Variants in CYP26C1 observed in about 807,000 individuals in gnomAD.
The protein encoded by CYP26C1 is cytochrome P450 family 26 subfamily C member 1.
CYP26C1 carries 41 observed loss-of-function variants against 39.1 expected under a neutral mutation model. That is an observed-to-expected ratio of 1.05 (90% CI 0.82 to 1.36). The LOEUF (loss-of-function observed/expected upper bound fraction) is 1.36. Ranked by LOEUF, CYP26C1 falls within the 40% of genes most tolerant of loss-of-function variation. The pLI, the probability that CYP26C1 is intolerant of heterozygous loss-of-function variation, is 0.00. For synonymous variants in CYP26C1, 362 were observed against 350.8 expected (o/e 1.03, Z -0.36); for missense variants, 833 against 752.0 (o/e 1.11, Z -1.26).
At position 93,061,049 on chromosome 10, in the gene CYP26C1, C is replaced by T. The variant is rs1846739098; in HGVS notation, c.-215C>T. On this transcript the variant is annotated 5_prime_UTR_variant, in exon 1 of 6. Transcript: ENST00000651965. ...CTGAGCGTGCCGGCCTCGAGGAAGG[C>T]ACGTTCCCTAAGGGCGCACGGTCAC... 7 of 544,208 alleles carry T rather than the reference C, an allele frequency of 1.3e-5. No homozygotes were observed. In the East Asian group the frequency reaches 2.4e-4, roughly 18 times the overall value. 33.7% of individuals were successfully genotyped at this position (544,208 alleles called of 1,614,324 possible).
chr10:93,066,320 T>C (rs1421168467), intron 5 of CYP26C1, 35 bp downstream of exon 5: 5 of 1,248,712 alleles, frequency 4.0e-6, no homozygotes, highest in Non-Finnish European at 5.0e-6. Flanking sequence ...GCCAGCCTCC[T>C]GCCTCCTGCC....
intron 4 of CYP26C1, among the ~76,000 whole-genome samples, chr10:93,065,165 A>C (rs1484549280): frequency 6.6e-6 from 1 of 152,010 alleles, no homozygotes; most frequent in African/African-American, 2.4e-5. Context: ...AGTTAGGGGG[A>C]GGGGAAGTTA....
rs1218250492 is a variant in CYP26C1 at position 93,069,231 on chromosome 10, C to G, written c.*534C>G. ...CAGAGGATGCCTGACGGAAGGCCCT[C>G]TGGCAGCTGGCGTCTGGCTTCGTGC... is the stretch of plus-strand genomic sequence containing the variant. On this transcript the variant is annotated 3_prime_UTR_variant, in exon 6 of 6. Transcript: ENST00000651965. The G allele has an allele frequency of 1.3e-5, 2 of 152,390 alleles. No homozygotes were observed. Among genetic ancestry groups the G allele is most frequent in the Non-Finnish European group, 2.9e-5 (2 of 68,168 alleles). The allele number at this position is 152,390 out of a possible 1,614,324, so 9.4% of individuals were successfully genotyped here.
chr10:93,068,707 G>T lies in CYP26C1; in HGVS notation c.*10G>T. On this transcript the variant is annotated 3_prime_UTR_variant, in exon 6 of 6. Coordinates refer to ENST00000651965, the MANE Select transcript of CYP26C1 (RefSeq NM_183374.3). ...TGGGCTATGCCTCTGACATGCTTGC[G>T]CTCTAGGACACGGCTTGGCCGGTGG... 1 of 1,516,374 alleles carries T rather than the reference G, an allele frequency of 6.6e-7. No homozygotes were observed. The highest frequency in any genetic ancestry group is 8.8e-7 in the Non-Finnish European group (1 of 1,130,282). The allele number at this position is 1,516,374 out of a possible 1,614,324, so 93.9% of individuals were successfully genotyped here. A position where few individuals can be genotyped will look rare whatever the true frequency, so the allele number is the denominator to read the frequency against.
At position 93,068,718 on chromosome 10, in the gene CYP26C1, C is replaced by T; in HGVS notation, c.*21C>T. The T allele has an allele frequency of 3.4e-6, 5 of 1,488,026 alleles. No individual in the cohort carries two copies. Among genetic ancestry groups the T allele is most frequent in the East Asian group, 4.9e-5 (2 of 40,660 alleles). The allele number at this position is 1,488,026 out of a possible 1,614,324, so 92.2% of individuals were successfully genotyped here. The stretch of plus-strand genomic sequence containing the variant: ...TCTGACATGCTTGCGCTCTAGGACA[C>T]GGCTTGGCCGGTGGCTATGGCGCGC... On this transcript the variant is annotated 3_prime_UTR_variant, in exon 6 of 6. Coordinates refer to ENST00000651965, the MANE Select transcript of CYP26C1 (RefSeq NM_183374.3).
intron 5 of CYP26C1, 114 bp downstream of exon 5, chr10:93,066,399 C>A (rs1277223897): frequency 7.5e-6 from 8 of 1,062,432 alleles, no homozygotes; most frequent in African/African-American, 1.7e-5. Context: ...GGGATTCGGA[C>A]GGCGCGGTCA....
At chr10:93,065,496 C>T (rs990403526) in intron 4 of CYP26C1, among the ~76,000 whole-genome samples, 1 of 152,162 alleles carries the variant, frequency 6.6e-6, no homozygotes, top group South Asian at 2.1e-4. Flanking sequence ...CTGGGGTTGG[C>T]GGCCGCACCA....
rs143499488 is a variant in CYP26C1 at position 93,062,076 on chromosome 10, A to G, written c.271A>G (p.Arg91Gly). 2.5e-6 allele frequency: 4 copies of G among 1,580,212 alleles called. No homozygotes were observed. The highest frequency in any genetic ancestry group is 2.6e-6 in the Non-Finnish European group (3 of 1,164,042). Residue 91 changes from arginine (R) to glycine (G), a missense_variant, in exon 2 of 6, where the codon AGG becomes GGG. Arg to Gly is a moderately radical substitution (Grantham distance 125). Transcript: ENST00000651965. ...AGTGTTCAAGACGCACCTGCTGGGC[A>G]GGCCAGTGATCCGCGTGAGCGGCGC... The part of the protein sequence containing the change: ...GTVFKTHLLG[R>G]PVIRVSGAEN...
intron 3 of CYP26C1, chr10:93,063,403 G>A: frequency 3.0e-6 from 3 of 1,002,914 alleles, no homozygotes; most frequent in Non-Finnish European, 3.6e-6. Flanking sequence ...GAGAGCGTGA[G>A]GGCTGCAGAT....
Position 93,061,450 on chromosome 10 carries a change from C to A in CYP26C1, c.187C>A (p.Leu63Met). ...SMGWPFFGETLHWLVQGSRFH... is the reference protein window; with the variant it reads ...SMGWPFFGETMHWLVQGSRFH... Reference sequence around the variant, plus strand: ...GGGGTGGCCCTTCTTCGGCGAAACGCTGCACTGGTTAGTTCAGGTGAGCAG... The same window carrying A: ...GGGGTGGCCCTTCTTCGGCGAAACGATGCACTGGTTAGTTCAGGTGAGCAG... Residue 63 changes from leucine to methionine, a missense_variant, in exon 1 of 6, where the codon CTG becomes ATG. Physicochemically the swap from Leu to Met is conservative, Grantham distance 15. Transcript: ENST00000651965. 1 of 1,552,084 alleles carries A rather than the reference C, an allele frequency of 6.4e-7. No individual in the cohort carries two copies. Among genetic ancestry groups the A allele is most frequent in the Non-Finnish European group, 8.7e-7 (1 of 1,148,262 alleles).
intron 4 of CYP26C1, chr10:93,064,822 C>A: frequency 9.0e-7 from 1 of 1,112,412 alleles, no homozygotes; most frequent in Non-Finnish European, 1.1e-6. Flanking sequence ...CTCTCCTTTC[C>A]TTCCCCCACT....
rs772689831 is a variant in CYP26C1, at chr10:93,068,690, G to A, written c.1562G>A (p.Cys521Tyr). 1 of 1,547,596 alleles carries A rather than the reference G, an allele frequency of 6.5e-7. No individual in the cohort carries two copies. The highest frequency in any genetic ancestry group is 1.2e-5 in the South Asian group (1 of 81,616). Residue 521 changes from cysteine to tyrosine, a missense_variant, in exon 6 of 6, where the codon TGC (cysteine) becomes TAC (tyrosine). Cys to Tyr is a radical substitution (Grantham distance 194, BLOSUM62 -2). Transcript: ENST00000651965. ...LTPSVAGNGLCL is the reference protein window; with the variant it reads ...LTPSVAGNGLYL ...CCTTCGGTTGCGGGGAATGGGCTAT[G>A]CCTCTGACATGCTTGCGCTCTAGGA...
At chr10:93,064,239 A>G (rs747972445) in intron 3 of CYP26C1, 142 bp from the exon 4 acceptor site, 42 of 1,437,874 alleles carry the variant, frequency 2.9e-5, no homozygotes, top group Non-Finnish European at 3.7e-5. Flanking sequence ...GCCCAGCCAT[A>G]TGCCAGGCCA....
chr10:93,061,356 C>T lies in CYP26C1; in HGVS notation c.93C>T (p.His31=), dbSNP rs1168025384. 1 of 1,581,748 alleles carries T rather than the reference C, an allele frequency of 6.3e-7. No individual in the cohort carries two copies. The highest frequency in any genetic ancestry group is 1.3e-5 in the African/African-American group (1 of 74,544). ...GCCTGCTGCTCAGCCTGGCCCAGCA[C>T]CTCTGGACCCTCCGCTGGATGCTGA... The part of the protein sequence containing the change: ...CAGLLLSLAQ[H]LWTLRWMLSR... The change falls in exon 1 of 6, where the codon CAC becomes CAT. Residue 31 remains histidine, a synonymous_variant. Transcript: ENST00000651965.
rs767407727 is a variant in CYP26C1 at position 93,066,255 on chromosome 10, C to T, written c.1161C>T (p.Tyr387=). ...LRLLPPVSGG[Y]RTALRTFELD... is the part of the protein sequence containing the mutation. ...TCCTGCCGCCAGTGTCCGGGGGCTA[C>T]CGCACCGCCCTGCGCACCTTCGAGC... The change falls in exon 5 of 6, where the codon TAC becomes TAT. Residue 387 remains tyrosine, a synonymous_variant. Transcript: ENST00000651965. 1 of 1,457,510 alleles carries T rather than the reference C, an allele frequency of 6.9e-7. No homozygotes were observed. Among genetic ancestry groups the T allele is most frequent in the Non-Finnish European group, 9.0e-7 (1 of 1,107,196 alleles). The allele number at this position is 1,457,510 out of a possible 1,614,324, so 90.3% of individuals were successfully genotyped here.
At chr10:93,062,604 G>C in intron 2 of CYP26C1, 116 bp from the exon 3 acceptor site, 2 of 968,214 alleles carry the variant, frequency 2.1e-6, no homozygotes, top group East Asian at 5.8e-5. Flanking sequence ...AGGAAGTTTA[G>C]GTCTGGGCCG....
chr10:93,065,445 A>T (rs962379465), intron 4 of CYP26C1, among the ~76,000 whole-genome samples: 1 of 152,234 alleles, frequency 6.6e-6, no homozygotes, highest in Non-Finnish European at 1.5e-5. Context: ...CTGCTGCTGC[A>T]GGTGCCTTTG....
chr10:93,061,931 A>G (rs1846755239), intron 1 of CYP26C1, 79 bp from the exon 2 acceptor site: 1 of 1,422,934 alleles, frequency 7.0e-7, no homozygotes, highest in Non-Finnish European at 9.5e-7. Flanking sequence ...GTTGTGATCA[A>G]AAGGCAGCTG....
Position 93,068,728 on chromosome 10 carries a change from G to A in CYP26C1, c.*31G>A. 6.1e-6 allele frequency: 9 copies of A among 1,476,636 alleles called. No individual in the cohort carries two copies. The highest frequency in any genetic ancestry group is 8.1e-6 in the Non-Finnish European group (9 of 1,114,774). The allele number at this position is 1,476,636 out of a possible 1,614,324, so 91.5% of individuals were successfully genotyped here. On this transcript the variant is annotated 3_prime_UTR_variant, in exon 6 of 6. Transcript: ENST00000651965. ...TTGCGCTCTAGGACACGGCTTGGCC[G>A]GTGGCTATGGCGCGCACGCAGCGCC...
Sources: allele counts gnomAD v4.1 joint callset (sites outside exome capture counted in the v4.1 genomes callset), GRCh38; gene constraint gnomAD v4.1.1; transcripts MANE v1.5; gene names NCBI Gene and HGNC (gene_info 2026-07-23, HGNC 2026-07-21).